Variants in ANK1 observed in about 807,000 individuals in gnomAD.
The protein encoded by ANK1 is ankyrin 1, also known as ankyrin-1.
ANK1 carries 51 observed loss-of-function variants against 210.4 expected under a neutral mutation model. That is an observed-to-expected ratio of 0.24 (90% CI 0.19 to 0.31). The LOEUF (loss-of-function observed/expected upper bound fraction) is 0.31, where lower values mean the gene tolerates loss of function less well. ANK1 is among the 10% of genes least tolerant of loss of function. The probability of loss-of-function intolerance (pLI) is 1.00; values close to 1 mark genes in which losing one functional copy is unlikely to be tolerated. For synonymous variants in ANK1, 967 were observed against 1,025.9 expected, an observed-to-expected ratio of 0.94 and a Z score of 1.10; for missense variants, 2,051 against 2,504.4, an observed-to-expected ratio of 0.82 and a Z score of 3.86.
chr8:41,773,249 T>G (rs1167457216), intron 1 of ANK1, among the ~76,000 whole-genome samples: 5 of 152,036 alleles, frequency 3.3e-5, no homozygotes, highest in African/African-American at 1.2e-4. Context: ...AGGGAGGTGA[T>G]CAGAGCCCGG....
intron 1 of ANK1, among the ~76,000 whole-genome samples, chr8:41,840,851 ATCCT>A (rs1159617814): frequency 1.3e-5 from 2 of 152,154 alleles, no homozygotes; most frequent in African/African-American, 2.4e-5. Flanking sequence ...AACGTCGGTA[ATCCT>A]TCCTTTCACC....
At chr8:41,702,985 A>G (rs1823289508) in intron 20 of ANK1, among the ~76,000 whole-genome samples, 1 of 147,268 alleles carries the variant, frequency 6.8e-6, no homozygotes, top group Non-Finnish European at 1.5e-5. Flanking sequence ...TCACTCAGCT[A>G]ATTTTTTTTT....
chr8:41,815,644 A>G (rs1362048124), intron 1 of ANK1, among the ~76,000 whole-genome samples: 1 of 152,136 alleles, frequency 6.6e-6, no homozygotes, highest in Non-Finnish European at 1.5e-5. Context: ...TATACTTTCT[A>G]TGCAGAATTG....
intron 1 of ANK1, among the ~76,000 whole-genome samples, chr8:41,844,928 C>T (rs914502947): frequency 3.9e-5 from 6 of 152,192 alleles, no homozygotes; most frequent in Admixed American, 3.3e-4. Flanking sequence ...GATGCGCTTT[C>T]TGGACCTGCT....
chr8:41,887,942 C>T (rs1166897792), intron 1 of ANK1, among the ~76,000 whole-genome samples: 1 of 152,244 alleles, frequency 6.6e-6, no homozygotes, highest in African/African-American at 2.4e-5. Context: ...GTGGGGCTGG[C>T]TTCTGGGTGG....
intron 10 of ANK1, 98 bp downstream of exon 10, chr8:41,719,563 C>T: frequency 6.6e-7 from 1 of 1,515,472 alleles, no homozygotes; most frequent in Non-Finnish European, 9.1e-7. Flanking sequence ...GAGCTCCGGG[C>T]ACCTGCCGCC....
At chr8:41,695,983 G>T (rs967152479) in intron 26 of ANK1, among the ~76,000 whole-genome samples, 5 of 152,262 alleles carry the variant, frequency 3.3e-5, no homozygotes, top group African/African-American at 1.2e-4. Flanking sequence ...GTGCATAAAA[G>T]GTCAGACCCT....
rs867946163 is a variant in ANK1, at chr8:41,847,340, G to T, written c.126+49015C>A. ...GGAAGACGGTGCAGGTGGATTTATG[G>T]CCGGGCCTGAAATAACACACATCTT... On this transcript the variant is annotated intron_variant, in intron 1 of 42. Transcript: ENST00000265709. Among the ~76,000 whole-genome samples the T allele has an allele frequency of 3.3e-5, 5 of 152,312 alleles. No individual in the cohort carries two copies. The South Asian group carries it at 8.3e-4, about 25-fold the overall frequency.
At chr8:41,743,729 A>C (rs1835359221) in intron 2 of ANK1, among the ~76,000 whole-genome samples, 1 of 152,186 alleles carries the variant, frequency 6.6e-6, no homozygotes, top group Non-Finnish European at 1.5e-5. Flanking sequence ...GACTGTACAA[A>C]CATGGGGAGA....
At chr8:41,891,606 G>A (rs1396320329) in intron 1 of ANK1, among the ~76,000 whole-genome samples, 1 of 152,232 alleles carries the variant, frequency 6.6e-6, no homozygotes, top group Admixed American at 6.5e-5. Context: ...GCTGGGAAGT[G>A]AGGAGAGATC....
chr8:41,679,588 A>G (rs1586002926), intron 37 of ANK1, among the ~76,000 whole-genome samples: 1 of 89,568 alleles, frequency 1.1e-5, no homozygotes, highest in Non-Finnish European at 2.1e-5. Flanking sequence ...TTTGAGACAG[A>G]GTCTCACTCT....
At chr8:41,774,206 T>C (rs1843541234) in intron 1 of ANK1, among the ~76,000 whole-genome samples, 1 of 152,106 alleles carries the variant, frequency 6.6e-6, no homozygotes, top group South Asian at 2.1e-4. Flanking sequence ...ACTCAATACA[T>C]GTTTCCTGAG....
At chr8:41,792,053 G>A (rs567076442) in intron 1 of ANK1, among the ~76,000 whole-genome samples, 3 of 152,154 alleles carry the variant, frequency 2.0e-5, no homozygotes, top group East Asian at 1.9e-4. Flanking sequence ...CTGCTCAGCC[G>A]GGCCCATTAG....
chr8:41,661,541 T>C lies in ANK1; in HGVS notation c.5568A>G (p.Leu1856=), dbSNP rs756972852. Residue 1856 remains leucine, a synonymous_variant, in exon 42 of 43, where the codon CTA becomes CTG. Transcript: ENST00000289734. ...TCCTGCCCTCTATCAGGTCCGGCTG[T>C]AGGCCACTCCCTCTCAGCTCCACCT... ...HEEVELRGSG[L]QPDLIEGRKG... 3 of 1,613,914 alleles carry C rather than the reference T, an allele frequency of 1.9e-6. No homozygotes were observed. In the African/African-American group the frequency reaches 4.0e-5, roughly 22 times the overall value.
intron 14 of ANK1, 96 bp from the exon 15 acceptor site, chr8:41,715,170 G>A (rs1827284812): frequency 1.7e-6 from 2 of 1,173,018 alleles, no homozygotes; most frequent in African/African-American, 1.5e-5. Flanking sequence ...CCGCTGGCAT[G>A]GAGAGGCCAA....
At chr8:41,675,109 A>G (rs1345908600) in intron 37 of ANK1, among the ~76,000 whole-genome samples, 1 of 152,190 alleles carries the variant, frequency 6.6e-6, no homozygotes, top group East Asian at 1.9e-4. Flanking sequence ...GTTGTTTTTT[A>G]AAGCAGAGTC....
In ANK1 at chr8:41,661,874, ACCT is replaced by A. The variant is rs1033830958; in HGVS notation, c.5543_5544+1del. ...ATCCTCCAGGGGCCCCTCTACAGTC[ACCT>A]CCTCGTGCTCCTGGGCGGCATCGGC... On this transcript the variant is annotated splice_donor_variant and coding_sequence_variant, in exon 41 of 43. Coordinates refer to ENST00000289734, the MANE Select transcript of ANK1 (RefSeq NM_000037.4). LOFTEE classifies it high-confidence loss of function. 6 of 1,613,728 alleles carry A rather than the reference ACCT, an allele frequency of 3.7e-6. No homozygotes were observed. In the Admixed American group the frequency reaches 5.0e-5, roughly 13 times the overall value.
intron 1 of ANK1, among the ~76,000 whole-genome samples, chr8:41,839,901 T>A (rs1229202376): frequency 1.4e-4 from 22 of 152,218 alleles, no homozygotes; most frequent in Admixed American, 1.4e-3. Context: ...GTATCAACAC[T>A]GGTTCATTCA....
chr8:41,883,135 C>G (rs1817878752), intron 1 of ANK1, among the ~76,000 whole-genome samples: 1 of 152,220 alleles, frequency 6.6e-6, no homozygotes, highest in African/African-American at 2.4e-5. Context: ...AAGAGCACAG[C>G]CCACACTCCC....
Sources: gnomAD v4.1 joint callset for allele counts (sites outside exome capture counted in the v4.1 genomes callset) on GRCh38, gnomAD v4.1.1 for gene constraint, MANE v1.5 for transcripts, NCBI Gene and HGNC (gene_info 2026-07-23, HGNC 2026-07-21) for gene names.